The following SLC39A12 variants were observed in gnomAD, a reference collection of about 807,000 sequenced individuals.
The protein encoded by SLC39A12 is solute carrier family 39 member 12.
A neutral mutation model predicts 71.1 loss-of-function variants in SLC39A12; 63 were observed. The observed-to-expected ratio is 0.89, with a 90% CI of 0.72 to 1.09. SLC39A12 has a LOEUF of 1.09. Ranked by LOEUF, SLC39A12 falls within the 50% of genes least tolerant of loss-of-function variation. The probability of loss-of-function intolerance (pLI) is 0.00; values close to 1 mark genes in which losing one functional copy is unlikely to be tolerated. For missense variants in SLC39A12, 892 were observed against 812.6 expected, an observed-to-expected ratio of 1.10 and a Z score of -1.19; for synonymous variants, 351 against 301.3, an observed-to-expected ratio of 1.16 and a Z score of -1.71.
chr10:18,010,029 A>G (rs1427097570), intron 12 of SLC39A12, among the ~76,000 whole-genome samples: 1 of 152,224 alleles, frequency 6.6e-6, no homozygotes, highest in Non-Finnish European at 1.5e-5. Flanking sequence ...ATATAACTAT[A>G]AAATTAAACT....
At chr10:17,979,392 A>G (rs1397396232) in intron 5 of SLC39A12, among the ~76,000 whole-genome samples, 1 of 152,216 alleles carries the variant, frequency 6.6e-6, no homozygotes, top group East Asian at 1.9e-4. Flanking sequence ...CGACTTCTTG[A>G]CAACAAACTG....
At position 17,984,168 on chromosome 10, in the gene SLC39A12, C is replaced by T. The variant is rs202066002; in HGVS notation, c.1096+2685C>T. 1.2e-4 allele frequency among the ~76,000 whole-genome samples: 19 copies of T among 152,354 alleles called. No homozygotes were observed. The East Asian group carries it at 3.7e-3, about 29-fold the overall frequency. ...TGATGCCAATCAAGACTTCATGGCA[C>T]TTATGCAGGGACCTGCAGTAAATTA... On this transcript the variant is annotated intron_variant, in intron 6 of 12. Coordinates refer to ENST00000377369, the MANE Select transcript of SLC39A12 (RefSeq NM_001145195.2).
intron 9 of SLC39A12, among the ~76,000 whole-genome samples, chr10:17,994,026 A>AGTAGATTTCAGATCTCGT (rs1485429037): frequency 6.6e-6 from 1 of 152,208 alleles, no homozygotes; most frequent in Non-Finnish European, 1.5e-5. Flanking sequence ...GAAGTTTGGG[A>AGTAGATTTCAGATCTCGT]GTAGATTTCA....
intron 12 of SLC39A12, among the ~76,000 whole-genome samples, chr10:18,030,115 T>C (rs139414800): frequency 0.022 from 3,306 of 151,970 alleles, 51 homozygotes; most frequent in South Asian, 0.043. Flanking sequence ...TCTCACCGAA[T>C]TGATTTACAT....
At chr10:18,020,058 G>A (rs1437383665) in intron 12 of SLC39A12, among the ~76,000 whole-genome samples, 3 of 151,974 alleles carry the variant, frequency 2.0e-5, no homozygotes, top group Non-Finnish European at 2.9e-5. Context: ...GGTGCATATT[G>A]TGGGATTTGG....
intron 4 of SLC39A12, among the ~76,000 whole-genome samples, chr10:17,977,617 A>C (rs1395263080): frequency 6.6e-6 from 1 of 152,212 alleles, no homozygotes; most frequent in African/African-American, 2.4e-5. Flanking sequence ...GATTGACTTA[A>C]CTAAAGTAAT....
chr10:17,967,084 G>A (rs951916723), intron 4 of SLC39A12, among the ~76,000 whole-genome samples: 5 of 151,996 alleles, frequency 3.3e-5, no homozygotes, highest in African/African-American at 1.2e-4. Flanking sequence ...GTTTGTCCAA[G>A]TTTCTTTTAT....
intron 12 of SLC39A12, among the ~76,000 whole-genome samples, 192 bp from the exon 13 acceptor site, chr10:18,042,513 C>G (rs1837287357): frequency 6.7e-6 from 1 of 150,204 alleles, no homozygotes; most frequent in South Asian, 2.1e-4. Context: ...TCCTCATAAC[C>G]ACAATCAAAT....
At position 18,042,736 on chromosome 10, in the gene SLC39A12, G is replaced by T; in HGVS notation, c.1979G>T (p.Arg660Leu). ...LPEMTHVQTQ[R>L]PWMMFLLQNF... Reference sequence around the variant, plus strand: ...GAAATGACTCATGTTCAAACACAACGACCCTGGATGATGTTTCTCCTGCAA... The same window carrying T: ...GAAATGACTCATGTTCAAACACAACTACCCTGGATGATGTTTCTCCTGCAA... Residue 660 changes from arginine (R) to leucine (L), a missense_variant, in exon 13 of 13, where the codon CGA (arginine) becomes CTA (leucine). Physicochemically the swap from Arg to Leu is moderately radical, Grantham distance 102 (BLOSUM62 -2). Transcript: ENST00000377369. 1 of 1,611,372 alleles carries T rather than the reference G, an allele frequency of 6.2e-7. No homozygotes were observed. Among genetic ancestry groups the T allele is most frequent in the African/African-American group, 1.3e-5 (1 of 74,742 alleles).
chr10:17,981,448 A>G lies in SLC39A12; in HGVS notation c.1061A>G (p.Asp354Gly). Reference sequence around the variant, plus strand: ...AGCTGCTCCTGCCACTTACCCAAGGACCAACAAGCAAAGCTGCCACCTACC... The same window carrying G: ...AGCTGCTCCTGCCACTTACCCAAGGGCCAACAAGCAAAGCTGCCACCTACC... ...LLSCSCHLPK[D>G]QQAKLPPTTL... The change falls in exon 6 of 13, where the codon GAC (aspartate) becomes GGC (glycine). Residue 354 changes from aspartate to glycine, a missense_variant. By Grantham distance (94) the Asp-to-Gly change is moderately conservative. Transcript: ENST00000377369. 1 of 1,613,686 alleles carries G rather than the reference A, an allele frequency of 6.2e-7. No homozygotes were observed.
chr10:17,966,048 T>C (rs1334504267), intron 4 of SLC39A12, among the ~76,000 whole-genome samples: 1 of 152,198 alleles, frequency 6.6e-6, no homozygotes, highest in Non-Finnish European at 1.5e-5. Flanking sequence ...AAGAATAGTA[T>C]TCTAAATTGT....
intron 12 of SLC39A12, among the ~76,000 whole-genome samples, chr10:18,030,702 A>C (rs1836821515): frequency 6.6e-6 from 1 of 151,114 alleles, no homozygotes; most frequent in African/African-American, 2.4e-5. Context: ...CAGGTTAGTT[A>C]CATATGTATA....
At chr10:18,042,645 A>T in intron 12 of SLC39A12, 60 bp from the exon 13 acceptor site, 1 of 1,525,564 alleles carries the variant, frequency 6.6e-7, no homozygotes, top group South Asian at 1.3e-5. Flanking sequence ...TTTCCCACCA[A>T]GCTTTTCCCA....
intron 12 of SLC39A12, among the ~76,000 whole-genome samples, chr10:18,027,432 C>T (rs1024970013): frequency 6.6e-6 from 1 of 152,218 alleles, no homozygotes; most frequent in Non-Finnish European, 1.5e-5. Context: ...TATTTTCCCT[C>T]TCCTCCTACC....
intron 10 of SLC39A12, among the ~76,000 whole-genome samples, chr10:17,999,419 GA>G (rs1462504378): frequency 6.6e-6 from 1 of 151,440 alleles, no homozygotes; most frequent in Non-Finnish European, 1.5e-5. Flanking sequence ...TTTAGACTAT[GA>G]CAATTGATTA....
chr10:18,026,908 CTTCT>C (rs1564661543), intron 12 of SLC39A12, among the ~76,000 whole-genome samples: 1 of 151,638 alleles, frequency 6.6e-6, no homozygotes, highest in South Asian at 2.1e-4. Context: ...TTACATTTTC[CTTCT>C]GTTTTGAATG....
chr10:18,007,179 A>G (rs1836050735), intron 12 of SLC39A12: 4 of 152,318 alleles, frequency 2.6e-5, no homozygotes, highest in South Asian at 2.1e-4. Flanking sequence ...GCTCTCCAGC[A>G]TCCAATCCTG....
intron 4 of SLC39A12, among the ~76,000 whole-genome samples, chr10:17,971,666 A>G (rs2130794898): frequency 6.6e-6 from 1 of 152,206 alleles, no homozygotes; most frequent in African/African-American, 2.4e-5. Flanking sequence ...GAATTTCTGC[A>G]GTATCAGTTG....
intron 4 of SLC39A12, among the ~76,000 whole-genome samples, chr10:17,974,000 ACT>A (rs1339184359): frequency 9.4e-5 from 14 of 149,058 alleles, no homozygotes; most frequent in Admixed American, 9.4e-4. Context: ...TGCTATTAAG[ACT>A]CTGATGAATT....
Sources: gnomAD v4.1 joint callset for allele counts (sites outside exome capture counted in the v4.1 genomes callset) on GRCh38, gnomAD v4.1.1 for gene constraint, MANE v1.5 for transcripts, NCBI Gene and HGNC (gene_info 2026-07-23, HGNC 2026-07-21) for gene names.